Variants in CBR4 observed in about 807,000 individuals in gnomAD.
CBR4 encodes the protein carbonyl reductase 4, also known as 3-oxoacyl-[acyl-carrier-protein] reductase.
A neutral mutation model predicts 21.0 loss-of-function variants in CBR4; 22 were observed. The ratio of observed to expected loss-of-function variants is 1.05; its 90% CI spans 0.75 to 1.50. The LOEUF (loss-of-function observed/expected upper bound fraction) is 1.50. Ranked by LOEUF, CBR4 falls within the 40% of genes most tolerant of loss-of-function variation. CBR4 has a pLI of 0.00. For missense variants in CBR4, 302 were observed against 286.3 expected (o/e 1.05, Z -0.40); for synonymous variants, 100 against 104.4 (o/e 0.96, Z 0.26).
At chr4:168,974,667 T>C (rs542041988) in intron 2 of CBR4, among the ~76,000 whole-genome samples, 14 of 152,280 alleles carry the variant, frequency 9.2e-5, no homozygotes, top group African/African-American at 1.4e-4. Context: ...TGGGCTCTTA[T>C]GTTTTCTTCT....
intron 2 of CBR4, among the ~76,000 whole-genome samples, chr4:168,931,605 C>G (rs1171988391): frequency 6.6e-6 from 1 of 152,020 alleles, no homozygotes; most frequent in Non-Finnish European, 1.5e-5. Context: ...CTTGGCCCAC[C>G]TCTGGCAGAC....
chr4:168,959,038 G>A lies in CBR4; in HGVS notation n.169+43033C>T, dbSNP rs531317355. Among the ~76,000 whole-genome samples, 37 of 151,470 alleles carry A rather than the reference G, an allele frequency of 2.4e-4. 1 individual carries two copies. Among genetic ancestry groups the A allele is most frequent in the Non-Finnish European group, 5.2e-4 (35 of 67,858 alleles). ...TATCTTCCAAAGAGCAAAATTTCTT[G>A]ATTTTTATAAAACCCAATTTACCAT... On this transcript the variant is annotated intron_variant and non_coding_transcript_variant, in intron 2 of 3. Coordinates refer to the CBR4 transcript ENST00000509108.
chr4:168,959,420 T>C (rs1264243775), intron 2 of CBR4, among the ~76,000 whole-genome samples: 1 of 152,170 alleles, frequency 6.6e-6, no homozygotes, highest in Non-Finnish European at 1.5e-5. Context: ...AATACCACAC[T>C]GTCTTGATTA....
At chr4:168,996,346 AT>A (rs1358317528) in intron 4 of CBR4, among the ~76,000 whole-genome samples, 1 of 152,124 alleles carries the variant, frequency 6.6e-6, no homozygotes, top group Non-Finnish European at 1.5e-5. Flanking sequence ...TTTTTGAGGA[AT>A]TTTAGGTTTA....
chr4:168,987,569 G>A (rs974959587), downstream of CBR4: 1 of 806,954 alleles, frequency 1.2e-6, no homozygotes, highest in Non-Finnish European at 1.5e-6. Flanking sequence ...TGCAGAGAAA[G>A]ATAAAATTAA....
At chr4:168,997,255 G>A (rs1030215392) in intron 4 of CBR4, among the ~76,000 whole-genome samples, 2 of 152,064 alleles carry the variant, frequency 1.3e-5, no homozygotes, top group African/African-American at 2.4e-5. Context: ...TTCTTAACTC[G>A]ACGAAAAGAT....
At chr4:168,914,610 G>A (rs977310236) in intron 2 of CBR4, among the ~76,000 whole-genome samples, 6 of 151,812 alleles carry the variant, frequency 4.0e-5, no homozygotes, top group African/African-American at 1.5e-4. Context: ...ATGGTAGGCA[G>A]AGATAGAGAA....
chr4:168,995,996 T>A (rs1475771792), intron 4 of CBR4, among the ~76,000 whole-genome samples: 1 of 152,192 alleles, frequency 6.6e-6, no homozygotes, highest in African/African-American at 2.4e-5. Context: ...AGAACAGGAA[T>A]GATGATGTTC....
intron 2 of CBR4, among the ~76,000 whole-genome samples, chr4:168,905,370 G>A (rs1014967849): frequency 8.6e-5 from 13 of 151,190 alleles, no homozygotes; most frequent in South Asian, 2.1e-4. Flanking sequence ...GGATGGTCTC[G>A]ATCTCCTGAC....
intron 2 of CBR4, chr4:168,925,318 T>C (rs181761795): frequency 2.8e-6 from 4 of 1,450,896 alleles, no homozygotes; most frequent in African/African-American, 2.8e-5. Flanking sequence ...AAAATATGCA[T>C]GTTGATTTCT....
intron 2 of CBR4, among the ~76,000 whole-genome samples, chr4:168,930,929 A>T (rs1038861454): frequency 1.2e-4 from 18 of 152,094 alleles, no homozygotes; most frequent in Admixed American, 1.1e-3. Context: ...GGAACATGAG[A>T]TATGTACTCT....
At chr4:168,993,825 C>T (rs1463830545) in intron 4 of CBR4, among the ~76,000 whole-genome samples, 1 of 152,034 alleles carries the variant, frequency 6.6e-6, no homozygotes, top group African/African-American at 2.4e-5. Context: ...TATGCAAATC[C>T]CAGGCTCAAC....
At chr4:168,993,333 C>G (rs1191061222) in intron 4 of CBR4, among the ~76,000 whole-genome samples, 1 of 151,882 alleles carries the variant, frequency 6.6e-6, no homozygotes, top group Admixed American at 6.6e-5. Context: ...GCCTCAGGCT[C>G]CCCAGTAGCT....
intron 2 of CBR4, among the ~76,000 whole-genome samples, chr4:168,950,894 A>C (rs947153855): frequency 1.3e-5 from 2 of 152,178 alleles, no homozygotes; most frequent in African/African-American, 4.8e-5. Flanking sequence ...TTTGTCTAAC[A>C]TAAGAATAGC....
rs559836818 is a variant in CBR4, at chr4:168,972,945, G to A, written n.169+29126C>T. On this transcript the variant is annotated intron_variant and non_coding_transcript_variant, in intron 2 of 3. Coordinates refer to the CBR4 transcript ENST00000509108. ...GATGGCTTTTATTACCTTAAGGTAT[G>A]TTCCTTCTGTACCGATTTTGCTGAG... 7.2e-5 allele frequency among the ~76,000 whole-genome samples: 11 copies of A among 152,306 alleles called. 1 individual carries two copies. Among genetic ancestry groups the A allele is most frequent in the Admixed American group, 6.5e-4 (10 of 15,296 alleles).
At chr4:168,975,800 CAATTA>C (rs1251103782) in intron 2 of CBR4, among the ~76,000 whole-genome samples, 1 of 152,014 alleles carries the variant, frequency 6.6e-6, no homozygotes, top group Non-Finnish European at 1.5e-5. Context: ...GCTCCCAGGC[CAATTA>C]AGTTATGTTC....
rs1310541136 is a variant in CBR4, at chr4:169,005,924, T to C, written c.400+831A>G. ...ATCTCCCTTCTGTGGCCTTTTAAGG[T>C]ATTACCATTTGAAAATAAAAAGCAG... On this transcript the variant is annotated intron_variant, in intron 3 of 4. Coordinates refer to ENST00000306193, the MANE Select transcript of CBR4 (RefSeq NM_032783.5). 7.0e-6 allele frequency: 9 copies of C among 1,284,052 alleles called. No homozygotes were observed. The Admixed American group carries it at 1.8e-4, about 26-fold the overall frequency. The allele number at this position is 1,284,052 out of a possible 1,614,324, so 79.5% of individuals were successfully genotyped here.
At chr4:168,904,187 A>C (rs1338776473) in intron 2 of CBR4, 1 of 415,814 alleles carries the variant, frequency 2.4e-6, no homozygotes, top group Non-Finnish European at 4.5e-6. Flanking sequence ...GCAGTGGTAG[A>C]CTGGACAAAG....
At chr4:168,961,911 G>A (rs1578943030) in intron 2 of CBR4, among the ~76,000 whole-genome samples, 1 of 148,730 alleles carries the variant, frequency 6.7e-6, no homozygotes, top group African/African-American at 2.5e-5. Flanking sequence ...AAGGGAGAGG[G>A]GAGGGGAGGG....
Sources: gnomAD v4.1 joint callset for allele counts (sites outside exome capture counted in the v4.1 genomes callset) on GRCh38, gnomAD v4.1.1 for gene constraint, MANE v1.5 for transcripts, NCBI Gene and HGNC (gene_info 2026-07-23, HGNC 2026-07-21) for gene names.